Variants in UGGT1 observed in about 807,000 individuals in gnomAD.
UGGT1 encodes UDP-glucose:glycoprotein glucosyltransferase 1.
A neutral mutation model predicts 203.9 loss-of-function variants in UGGT1; 107 were observed. That is an observed-to-expected ratio of 0.52 (90% CI 0.45 to 0.62). UGGT1 has a LOEUF of 0.62. Ranked by LOEUF, UGGT1 falls within the 20% of genes least tolerant of loss-of-function variation. The pLI is 0.00. For missense variants in UGGT1, 1,673 were observed against 1,867.2 expected (o/e 0.90, Z 1.92); for synonymous variants, 628 against 653.5 (o/e 0.96, Z 0.59).
At chr2:128,144,144 A>G (rs369749740) in intron 17 of UGGT1, among the ~76,000 whole-genome samples, 2 of 152,230 alleles carry the variant, frequency 1.3e-5, no homozygotes, top group African/African-American at 2.4e-5. Context: ...ACGTGGGCAA[A>G]CACTTTACCT....
At position 128,160,496 on chromosome 2, in the gene UGGT1, T is replaced by A; in HGVS notation, c.2599T>A (p.Ser867Thr). The stretch of plus-strand genomic sequence containing the variant: ...CAGTCTTTTTAAAGAGGTCTTTGAG[T>A]CTTCCAAAATGGATTTCATTTTGTC... ...DFSLFKEVFE[S>T]SKMDFILSHA... The change falls in exon 24 of 41, where the codon TCT becomes ACT. Residue 867 changes from serine to threonine, a missense_variant. Physicochemically the swap from Ser to Thr is moderately conservative, Grantham distance 58 (BLOSUM62 1). Transcript: ENST00000259253. The A allele has an allele frequency of 6.2e-7, 1 of 1,612,012 alleles. No homozygotes were observed.
chr2:128,170,270 A>G lies in UGGT1; in HGVS notation c.2922-18A>G. ...CCTGTGTCCTCCAGGTTAATGTTTT[A>G]TCCTTGTGATCTTTCAGTGCAATCA... On this transcript the variant is annotated intron_variant, in intron 26 of 40. Coordinates refer to ENST00000259253, the MANE Select transcript of UGGT1 (RefSeq NM_020120.4). 1 of 1,611,604 alleles carries G rather than the reference A, an allele frequency of 6.2e-7. No homozygotes were observed. Among genetic ancestry groups the G allele is most frequent in the South Asian group, 1.1e-5 (1 of 91,026 alleles).
chr2:128,161,273 G>A lies in UGGT1; in HGVS notation c.2825+5G>A, dbSNP rs539133295. 3.1e-6 allele frequency: 5 copies of A among 1,612,932 alleles called. No homozygotes were observed. The highest frequency in any genetic ancestry group is 1.1e-5 in the South Asian group (1 of 90,946). On this transcript the variant is annotated splice_donor_5th_base_variant and intron_variant, in intron 25 of 40. Coordinates refer to ENST00000259253, the MANE Select transcript of UGGT1 (RefSeq NM_020120.4). Reference sequence around the variant, plus strand: ...GCTTCGGGTAGAAGAAGATGTGTAAGTTTTGCCATAGGAGGAATTACAGGG... The same window carrying A: ...GCTTCGGGTAGAAGAAGATGTGTAAATTTTGCCATAGGAGGAATTACAGGG...
At chr2:128,135,747 A>G (rs909608526) in intron 15 of UGGT1, among the ~76,000 whole-genome samples, 1 of 152,248 alleles carries the variant, frequency 6.6e-6, no homozygotes, top group Non-Finnish European at 1.5e-5. Flanking sequence ...TAAGTGCGTT[A>G]GGATTTCAGG....
chr2:128,142,742 G>A (rs1374377393), intron 16 of UGGT1, among the ~76,000 whole-genome samples: 1 of 152,016 alleles, frequency 6.6e-6, no homozygotes, highest in Non-Finnish European at 1.5e-5. Flanking sequence ...CAGCACTTTG[G>A]GAGACTGAGG....
rs759681133 is a variant in UGGT1 at position 128,159,740 on chromosome 2, A to C, written c.2562+20A>C. The C allele has an allele frequency of 2.5e-6, 4 of 1,608,952 alleles. No individual in the cohort carries two copies. Among genetic ancestry groups the C allele is most frequent in the Middle Eastern group, 3.4e-4 (2 of 5,834 alleles). On this transcript the variant is annotated intron_variant, in intron 23 of 40. Coordinates refer to ENST00000259253, the MANE Select transcript of UGGT1 (RefSeq NM_020120.4). ...GTTGGGGTAAGGCTCTGAGCCTCTC[A>C]TGAGGCTGCCCCATTTTGTCTGCCA...
chr2:128,172,858 G>A, intron 29 of UGGT1, 96 bp downstream of exon 29: 3 of 1,187,256 alleles, frequency 2.5e-6, no homozygotes, highest in Non-Finnish European at 3.5e-6. Flanking sequence ...CAGTGTTCAG[G>A]TATGATATTT....
chr2:128,121,018 A>G (rs1688357948), intron 9 of UGGT1, among the ~76,000 whole-genome samples, 181 bp from the exon 10 acceptor site: 1 of 152,078 alleles, frequency 6.6e-6, no homozygotes, highest in Non-Finnish European at 1.5e-5. Context: ...TCAACTGAAT[A>G]CTCCAGAGAT....
chr2:128,125,461 A>C (rs1158368650), intron 11 of UGGT1, among the ~76,000 whole-genome samples: 1 of 152,008 alleles, frequency 6.6e-6, no homozygotes, highest in African/African-American at 2.4e-5. Context: ...TTTCTTGTTG[A>C]CCTTTCCTGT....
intron 20 of UGGT1, 119 bp from the exon 21 acceptor site, chr2:128,156,273 A>T (rs1690222813): frequency 2.6e-6 from 2 of 770,276 alleles, no homozygotes; most frequent in South Asian, 1.5e-5. Context: ...CGACAGGACT[A>T]AGCAGCAGGA....
rs1365408723 is a variant in UGGT1 at position 128,091,433 on chromosome 2, G to A, written c.58+18G>A. 1 of 1,574,508 alleles carries A rather than the reference G, an allele frequency of 6.4e-7. No homozygotes were observed. The highest frequency in any genetic ancestry group is 8.6e-7 in the Non-Finnish European group (1 of 1,159,898). Reference sequence around the variant, plus strand: ...GGTGACAGGTACCCAGGGGTGGCGTGAGGAGGCCTCGTGGACAAAGAGAGG... The same window carrying A: ...GGTGACAGGTACCCAGGGGTGGCGTAAGGAGGCCTCGTGGACAAAGAGAGG... On this transcript the variant is annotated intron_variant, in intron 1 of 40. Coordinates refer to ENST00000259253, the MANE Select transcript of UGGT1 (RefSeq NM_020120.4).
At chr2:128,117,993 T>A (rs7606085) in intron 8 of UGGT1, among the ~76,000 whole-genome samples, 22,778 of 97,318 alleles carry the variant, frequency 0.23, 2,001 homozygotes, top group South Asian at 0.42. Flanking sequence ...TGTGTGTGTG[T>A]GAGAGAGAGA....
chr2:128,161,952 A>G (rs1558807832), intron 25 of UGGT1, among the ~76,000 whole-genome samples: 2 of 152,216 alleles, frequency 1.3e-5, no homozygotes, highest in African/African-American at 4.8e-5. Context: ...CAGTGGCTGT[A>G]CCATTTTACA....
intron 40 of UGGT1, among the ~76,000 whole-genome samples, chr2:128,188,905 G>A (rs1012273173): frequency 6.6e-6 from 1 of 152,218 alleles, no homozygotes; most frequent in African/African-American, 2.4e-5. Flanking sequence ...CAGCTGGAAG[G>A]TTATATAGTA....
chr2:128,091,586 T>C, intron 1 of UGGT1, 171 bp downstream of exon 1: 1 of 1,438,942 alleles, frequency 6.9e-7, no homozygotes, highest in Non-Finnish European at 9.2e-7. Flanking sequence ...CTCAGTGGTC[T>C]TCTTGGCAAG....
chr2:128,099,262 G>A (rs1241799873), intron 2 of UGGT1, among the ~76,000 whole-genome samples: 1 of 151,942 alleles, frequency 6.6e-6, no homozygotes, highest in East Asian at 1.9e-4. Flanking sequence ...TCCCACCTAG[G>A]CCTCCCTAGT....
In UGGT1 at chr2:128,191,935, T is replaced by C. The variant is rs1692283270; in HGVS notation, c.*2193T>C. The C allele has an allele frequency of 6.6e-6, 1 of 152,266 alleles. No individual in the cohort carries two copies. Among genetic ancestry groups the C allele is most frequent in the Non-Finnish European group, 1.5e-5 (1 of 68,072 alleles). The allele number at this position is 152,266 out of a possible 1,614,324, so 9.4% of individuals were successfully genotyped here. Reference sequence around the variant, plus strand: ...TGAAAGCATTCAGACGGGTGACTGCTGCTGTCCACAACTGTGGGCGGAAGT... The same window carrying C: ...TGAAAGCATTCAGACGGGTGACTGCCGCTGTCCACAACTGTGGGCGGAAGT... On this transcript the variant is annotated 3_prime_UTR_variant, in exon 41 of 41. Transcript: ENST00000259253.
rs1182947020 is a variant in UGGT1 at position 128,129,159 on chromosome 2, A to G, written c.1357A>G (p.Ile453Val). 18 of 1,610,972 alleles carry G rather than the reference A, an allele frequency of 1.1e-5. No homozygotes were observed. The highest frequency in any genetic ancestry group is 1.6e-4 in the Middle Eastern group (1 of 6,082). The change falls in exon 13 of 41, where the codon ATC becomes GTC. Residue 453 changes from isoleucine (I) to valine (V), a missense_variant. Physicochemically the swap from Ile to Val is conservative, Grantham distance 29 (BLOSUM62 3). Around this residue, in one of 4 missense-constraint regions of UGGT1, gnomAD observed 1,073 missense variants for 1,078.7 expected, o/e 0.99. Transcript: ENST00000259253. ...CTCTGAGGCAGACTATGCCGTAGAC[A>G]TCCGGAGTCCTGCTATTTCAGTGAG... is the stretch of plus-strand genomic sequence containing the variant. Reference protein sequence around the residue: ...QPSEADYAVDIRSPAISWVNN... With the variant: ...QPSEADYAVDVRSPAISWVNN...
chr2:128,124,923 C>T (rs1274136584), intron 11 of UGGT1, among the ~76,000 whole-genome samples: 3 of 152,166 alleles, frequency 2.0e-5, no homozygotes, highest in Non-Finnish European at 2.9e-5. Flanking sequence ...CTGGTGATCA[C>T]ACTCAGAGTG....
Sources: gnomAD v4.1 joint callset for allele counts (sites outside exome capture counted in the v4.1 genomes callset) on GRCh38, gnomAD v4.1.1 for gene constraint, gnomAD v4.1.1 regional missense constraint, MANE v1.5 for transcripts, NCBI Gene and HGNC (gene_info 2026-07-23, HGNC 2026-07-21) for gene names.